The following GRIK1 variants were observed in gnomAD, a reference collection of about 807,000 sequenced individuals.
GRIK1 encodes the protein glutamate ionotropic receptor kainate type subunit 1.
GRIK1 carries 69 observed loss-of-function variants against 105.7 expected under a neutral mutation model. The ratio of observed to expected loss-of-function variants is 0.65; its 90% CI spans 0.54 to 0.80. The LOEUF (loss-of-function observed/expected upper bound fraction) is 0.80, where lower values mean the gene tolerates loss of function less well. Among genes scored for constraint, GRIK1 ranks in the 30% least tolerant of loss-of-function variants. GRIK1 has a pLI of 0.00. For synonymous variants in GRIK1, 438 were observed against 431.3 expected (o/e 1.02, Z -0.19); for missense variants, 1,109 against 1,167.3 (o/e 0.95, Z 0.73).
chr21:29,547,440 AC>A (rs374952480), intron 16 of GRIK1, among the ~76,000 whole-genome samples: 36 of 152,350 alleles, frequency 2.4e-4, no homozygotes, highest in African/African-American at 8.4e-4. Flanking sequence ...CCCATTTTCT[AC>A]TAGAGTCAAA....
intron 7 of GRIK1, 29 bp downstream of exon 7, chr21:29,642,796 GC>G: frequency 6.2e-7 from 1 of 1,608,546 alleles, no homozygotes; most frequent in Admixed American, 1.7e-5. Context: ...GCTCAGAAGG[GC>G]CCCTGGGCTG....
In GRIK1 at chr21:29,596,541, A is replaced by T. The variant is rs773178926; in HGVS notation, c.1236T>A (p.Tyr412Ter). 1 of 1,608,014 alleles carries T rather than the reference A, an allele frequency of 6.2e-7. No individual in the cohort carries two copies. Among genetic ancestry groups the T allele is most frequent in the South Asian group, 1.1e-5 (1 of 90,954 alleles). Residue 412 changes from tyrosine (Y) to a stop codon, truncating the protein, a stop_gained, in exon 9 of 18, where the codon TAT (tyrosine) becomes TAA (stop). Coordinates refer to ENST00000327783, the MANE Select transcript of GRIK1 (RefSeq NM_001330994.2). LOFTEE classifies it high-confidence loss of function. Reference protein sequence around the residue: ...KAAGEVSKHLYKVWKKIGIWN... With the variant: ...KAAGEVSKHL The stretch of plus-strand genomic sequence containing the variant: ...GAGTACAAACCTTCTTCCACACTTT[A>T]TACAAGTGTTTAGACACTTCGCCAG...
chr21:29,851,069 T>C (rs1386874367), intron 1 of GRIK1, among the ~76,000 whole-genome samples: 1 of 146,114 alleles, frequency 6.8e-6, no homozygotes, highest in Non-Finnish European at 1.5e-5. Flanking sequence ...TTTTTTTTTT[T>C]CTTGAGATGG....
At chr21:29,642,776 G>A (rs1376144331) in intron 7 of GRIK1, 50 bp downstream of exon 7, 10 of 1,576,210 alleles carry the variant, frequency 6.3e-6, no homozygotes, top group Non-Finnish European at 7.8e-6. Context: ...AAATGGGCAA[G>A]CCCAACAGTG....
At chr21:29,696,179 G>A (rs372834311) in intron 1 of GRIK1, among the ~76,000 whole-genome samples, 2 of 152,088 alleles carry the variant, frequency 1.3e-5, no homozygotes, top group East Asian at 1.9e-4. Context: ...GAAATATTTC[G>A]GGCTTTTGTA....
intron 7 of GRIK1, among the ~76,000 whole-genome samples, chr21:29,607,903 A>G (rs2061654148): frequency 6.6e-6 from 1 of 152,224 alleles, no homozygotes; most frequent in Non-Finnish European, 1.5e-5. Flanking sequence ...AAATTTTTAT[A>G]TAAACAGTTT....
In GRIK1 at chr21:29,657,778, T is replaced by A. The variant is rs567780963; in HGVS notation, c.727-2915A>T. 5 of 152,362 alleles carry A rather than the reference T, an allele frequency of 3.3e-5. No individual in the cohort carries two copies. The East Asian group carries it at 9.6e-4, about 29-fold the overall frequency. 9.4% of individuals were successfully genotyped at this position (152,362 alleles called of 1,614,324 possible). A position where few individuals can be genotyped will look rare whatever the true frequency, so the allele number is the denominator to read the frequency against. ...ATGGTCTTTAAGCAGCTGAGACCAG[T>A]AGCCCTGTCGTCTAATTGTCGCATA... On this transcript the variant is annotated intron_variant, in intron 4 of 17. Coordinates refer to ENST00000327783, the MANE Select transcript of GRIK1 (RefSeq NM_001330994.2).
chr21:29,637,422 C>T (rs1410328496), intron 7 of GRIK1, among the ~76,000 whole-genome samples: 2 of 152,206 alleles, frequency 1.3e-5, no homozygotes, highest in Non-Finnish European at 2.9e-5. Flanking sequence ...ACCTGAGAAG[C>T]AGCTTGCTAT....
At chr21:29,793,544 C>G (rs949356883) in intron 1 of GRIK1, among the ~76,000 whole-genome samples, 1 of 151,676 alleles carries the variant, frequency 6.6e-6, no homozygotes, top group Non-Finnish European at 1.5e-5. Context: ...TCCTTCTCCC[C>G]CTTCCTGTTT....
At chr21:29,899,611 A>G (rs1160982965) in intron 1 of GRIK1, among the ~76,000 whole-genome samples, 1 of 151,940 alleles carries the variant, frequency 6.6e-6, no homozygotes, top group East Asian at 1.9e-4. Context: ...AGAGCTGATA[A>G]TCTAGTTCTA....
chr21:29,629,227 T>TGTGTGTGC (rs1568909086), intron 7 of GRIK1, among the ~76,000 whole-genome samples: 1 of 141,052 alleles, frequency 7.1e-6, no homozygotes, highest in African/African-American at 2.7e-5. Context: ...TGTGTGTGTG[T>TGTGTGTGC]GTGTGTGCTA....
At chr21:29,756,393 A>G (rs1411692726) in intron 1 of GRIK1, among the ~76,000 whole-genome samples, 1 of 152,192 alleles carries the variant, frequency 6.6e-6, no homozygotes, top group Admixed American at 6.5e-5. Context: ...AAAAGAAAAA[A>G]TAATGACAAT....
chr21:29,621,157 G>A lies in GRIK1; in HGVS notation c.1098+21669C>T, dbSNP rs185996829. 3.7e-3 allele frequency among the ~76,000 whole-genome samples: 566 copies of A among 152,158 alleles called. 1 individual carries two copies. The highest frequency in any genetic ancestry group is 0.013 in the African/African-American group (541 of 41,532). On this transcript the variant is annotated intron_variant, in intron 7 of 17. Coordinates refer to ENST00000327783, the MANE Select transcript of GRIK1 (RefSeq NM_001330994.2). ...AGAAGAAAGCCAGCCTTCAAATTAA[G>A]AGAAGACAAAATTCTAGTTTCTCAA...
At position 29,845,647 on chromosome 21, in the gene GRIK1, T is replaced by C. The variant is rs2068091827; in HGVS notation, c.118+93736A>G. 2.0e-5 allele frequency among the ~76,000 whole-genome samples: 3 copies of C among 152,238 alleles called. No homozygotes were observed. The South Asian group carries it at 6.2e-4, about 31-fold the overall frequency. On this transcript the variant is annotated intron_variant, in intron 1 of 17. Transcript: ENST00000327783. ...ATTTATTTGAGAAAATAAAGTTATTTGTCTAACGTAATTTTTGGTTTCCTC... is the reference window on the plus strand; with the variant it reads ...ATTTATTTGAGAAAATAAAGTTATTCGTCTAACGTAATTTTTGGTTTCCTC...
At chr21:29,584,851 A>G (rs746211539) in intron 12 of GRIK1, among the ~76,000 whole-genome samples, 13 of 152,206 alleles carry the variant, frequency 8.5e-5, no homozygotes, top group Non-Finnish European at 1.8e-4. Context: ...TAGGAAGTAA[A>G]GGTGACTTGG....
At chr21:29,795,883 C>A (rs2066541131) in intron 1 of GRIK1, among the ~76,000 whole-genome samples, 1 of 151,826 alleles carries the variant, frequency 6.6e-6, no homozygotes, top group South Asian at 2.1e-4. Flanking sequence ...GTAAGTCTGT[C>A]TAACTTGTCT....
intron 1 of GRIK1, among the ~76,000 whole-genome samples, chr21:29,902,629 G>C (rs2975197): frequency 0.22 from 33,655 of 152,028 alleles, 4,252 homozygotes; most frequent in African/African-American, 0.34. Flanking sequence ...AACCACTACT[G>C]AAGTAAATAA....
intron 1 of GRIK1, among the ~76,000 whole-genome samples, chr21:29,867,181 G>A (rs1244308707): frequency 6.6e-6 from 1 of 152,150 alleles, no homozygotes; most frequent in Admixed American, 6.5e-5. Flanking sequence ...AAGCATTGAA[G>A]ACCACTTAGC....
At chr21:29,935,590 T>G (rs2071720078) in intron 1 of GRIK1, among the ~76,000 whole-genome samples, 1 of 152,182 alleles carries the variant, frequency 6.6e-6, no homozygotes, top group Non-Finnish European at 1.5e-5. Flanking sequence ...GCCAAGGTAA[T>G]GATTGGCATA....
Sources: gnomAD v4.1 joint callset for allele counts (sites outside exome capture counted in the v4.1 genomes callset) on GRCh38, gnomAD v4.1.1 for gene constraint, MANE v1.5 for transcripts, NCBI Gene and HGNC (gene_info 2026-07-23, HGNC 2026-07-21) for gene names.